SBNO2: variants seen among roughly 807,000 people sequenced by gnomAD.
The protein encoded by SBNO2 is protein strawberry notch homolog 2.
In SBNO2, 89 loss-of-function variants were observed where a neutral mutation model predicts 146.3. That is an observed-to-expected ratio of 0.61 (90% CI 0.51 to 0.73). The LOEUF (loss-of-function observed/expected upper bound fraction) is 0.73. Ranked by LOEUF, SBNO2 falls within the 30% of genes least tolerant of loss-of-function variation. The pLI is 0.00. For missense variants in SBNO2, 2,092 were observed against 2,003.7 expected, an observed-to-expected ratio of 1.04 and a Z score of -0.84; for synonymous variants, 1,147 against 892.6, an observed-to-expected ratio of 1.29 and a Z score of -5.08.
At chr19:1,155,932 C>A (rs146249724) in intron 1 of SBNO2, among the ~76,000 whole-genome samples, 1 of 152,210 alleles carries the variant, frequency 6.6e-6, no homozygotes, top group Admixed American at 6.5e-5. Flanking sequence ...TCACGGCAGC[C>A]ACAGCCCCAG....
intron 12 of SBNO2, 131 bp from the exon 13 acceptor site, chr19:1,119,752 G>A (rs930254786): frequency 1.4e-5 from 14 of 970,274 alleles, no homozygotes; most frequent in Middle Eastern, 2.2e-4. Flanking sequence ...GAGAGCCAGC[G>A]TGGCCTTGGG....
intron 1 of SBNO2, among the ~76,000 whole-genome samples, chr19:1,166,629 A>G (rs879895195): frequency 0.013 from 1,934 of 151,900 alleles, 18 homozygotes; most frequent in African/African-American, 0.025. Context: ...ACACACACAC[A>G]CACACACACA....
At position 1,116,840 on chromosome 19, in the gene SBNO2, G is replaced by A; in HGVS notation, c.1791C>T (p.Val597=). 1 of 1,590,004 alleles carries A rather than the reference G, an allele frequency of 6.3e-7. No homozygotes were observed. Among genetic ancestry groups the A allele is most frequent in the South Asian group, 1.1e-5 (1 of 87,872 alleles). The change falls in exon 16 of 32, where the codon GTC becomes GTT. Residue 597 remains valine (V), a synonymous_variant. Transcript: ENST00000361757. Reference sequence around the variant, plus strand: ...ACCGTGACACTTACTCAGCGGCCGAGACGAAGCAGTTGAGGTGCCCATCGT... The same window carrying A: ...ACCGTGACACTTACTCAGCGGCCGAAACGAAGCAGTTGAGGTGCCCATCGT... ...GENDGHLNCF[V]SAAEGVFLSL... is the part of the protein sequence containing the mutation.
chr19:1,120,793 T>G (rs1185282190), intron 11 of SBNO2, among the ~76,000 whole-genome samples: 2 of 149,208 alleles, frequency 1.3e-5, no homozygotes, highest in African/African-American at 5.0e-5. Context: ...CTCAGCCTCC[T>G]GAGTAGCTGG....
intron 31 of SBNO2, 34 bp from the exon 32 acceptor site, chr19:1,108,738 T>C: frequency 6.3e-7 from 1 of 1,584,444 alleles, no homozygotes; most frequent in Non-Finnish European, 8.5e-7. Flanking sequence ...GGGCCGGCGC[T>C]GGGGGCTCGG....
At chr19:1,123,191 G>T in intron 7 of SBNO2, 146 bp from the exon 8 acceptor site, 1 of 959,488 alleles carries the variant, frequency 1.0e-6, no homozygotes, top group Non-Finnish European at 1.6e-6. Flanking sequence ...GGCGGGTCAT[G>T]GGCGTGGCCA....
In SBNO2 at chr19:1,158,717, G is replaced by A. The variant is rs1316409684; in HGVS notation, c.-126-4315C>T. ...TGGAGGCCGCATTACCTCAGCCGAG[G>A]TTCTCCGGGCAGGCACAAGGCGCTC... On this transcript the variant is annotated intron_variant, in intron 1 of 31. Transcript: ENST00000361757. The surrounding 1 kb of genome is among the most constrained non-coding windows in gnomAD (Gnocchi z 9.9). 3.3e-5 allele frequency among the ~76,000 whole-genome samples: 5 copies of A among 152,170 alleles called. No individual in the cohort carries two copies. The highest frequency in any genetic ancestry group is 1.2e-4 in the African/African-American group (5 of 41,432).
At chr19:1,134,588 C>A (rs1012069923) in intron 4 of SBNO2, among the ~76,000 whole-genome samples, 14 of 152,190 alleles carry the variant, frequency 9.2e-5, no homozygotes, top group Admixed American at 7.2e-4. Flanking sequence ...AATGTCCTGT[C>A]CTGAACAGGA....
chr19:1,122,428 T>C (rs754606344), intron 10 of SBNO2, 40 bp downstream of exon 10: 9 of 1,545,646 alleles, frequency 5.8e-6, no homozygotes, highest in African/African-American at 1.4e-5. Flanking sequence ...CAGGGCACGG[T>C]CCCCACCTTG....
intron 4 of SBNO2, 32 bp from the exon 5 acceptor site, chr19:1,127,797 G>A: frequency 1.2e-6 from 2 of 1,603,580 alleles, no homozygotes; most frequent in Non-Finnish European, 1.7e-6. Flanking sequence ...GGTGAGGGTG[G>A]TACGGGAGAC....
chr19:1,167,844 A>C (rs904024932), intron 1 of SBNO2, among the ~76,000 whole-genome samples: 17 of 152,206 alleles, frequency 1.1e-4, no homozygotes, highest in African/African-American at 3.1e-4. Flanking sequence ...ACGGCCAGCC[A>C]GGAGCAAAGC....
chr19:1,130,741 G>A (rs1176880097), intron 4 of SBNO2, among the ~76,000 whole-genome samples: 1 of 148,170 alleles, frequency 6.7e-6, no homozygotes. Context: ...GCAGGGAGCC[G>A]AGATCGTGCC....
intron 1 of SBNO2, among the ~76,000 whole-genome samples, chr19:1,165,678 A>ACCCAGAT (rs150451244): frequency 6.5e-5 from 4 of 61,910 alleles, no homozygotes; most frequent in Admixed American, 1.6e-4. Flanking sequence ...AGACCCCAGT[A>ACCCAGAT]CCCAGACCCC....
At chr19:1,151,274 G>C (rs1024571895) in intron 2 of SBNO2, among the ~76,000 whole-genome samples, 1 of 152,194 alleles carries the variant, frequency 6.6e-6, no homozygotes, top group Non-Finnish European at 1.5e-5. Context: ...CAGGGCCACG[G>C]CCAGGGAACT....
At chr19:1,165,338 G>A (rs937146522) in intron 1 of SBNO2, among the ~76,000 whole-genome samples, 1 of 152,160 alleles carries the variant, frequency 6.6e-6, no homozygotes, top group Non-Finnish European at 1.5e-5. Context: ...AGCCAACCCC[G>A]AAAGTGGAAG....
intron 11 of SBNO2, among the ~76,000 whole-genome samples, chr19:1,121,035 G>T (rs1027459201): frequency 3.9e-5 from 6 of 152,168 alleles, no homozygotes; most frequent in Non-Finnish European, 1.5e-5. Context: ...GGGATTACAG[G>T]TGCGCACCAC....
At position 1,110,351 on chromosome 19, in the gene SBNO2, G is replaced by A. The variant is rs952501300; in HGVS notation, c.3028+394C>T. 6.6e-6 allele frequency among the ~76,000 whole-genome samples: 1 copy of A among 152,178 alleles called. No homozygotes were observed. Among genetic ancestry groups the A allele is most frequent in the Admixed American group, 6.5e-5 (1 of 15,278 alleles). ...ATGTAGCAGGTGCCCCGTGAAGCCTGGGGATGAGCATGGTGGGCAGCGTGC... is the reference window on the plus strand; with the variant it reads ...ATGTAGCAGGTGCCCCGTGAAGCCTAGGGATGAGCATGGTGGGCAGCGTGC... On this transcript the variant is annotated intron_variant, in intron 26 of 31. Transcript: ENST00000361757. This position sits in a 1 kb window ranked among gnomAD's most constrained non-coding sequence, Gnocchi z 4.9.
Position 1,112,627 on chromosome 19 carries a change from G to C in SBNO2, c.2380-90C>G, listed in dbSNP as rs2079779088. Reference sequence around the variant, plus strand: ...CCTCACCCACTAGGCCCCCGCTCCAGGTCACCAGGACGTCCCGGGGCAGCG... The same window carrying C: ...CCTCACCCACTAGGCCCCCGCTCCACGTCACCAGGACGTCCCGGGGCAGCG... On this transcript the variant is annotated intron_variant, in intron 20 of 31. Transcript: ENST00000361757. The surrounding 1 kb of genome is among the most constrained non-coding windows in gnomAD (Gnocchi z 5.9). The C allele has an allele frequency of 6.8e-7, 1 of 1,471,352 alleles. No homozygotes were observed. Among genetic ancestry groups the C allele is most frequent in the Non-Finnish European group, 9.0e-7 (1 of 1,112,420 alleles). 91.1% of individuals were successfully genotyped at this position (1,471,352 alleles called of 1,614,324 possible).
rs1056800556 is a variant in SBNO2 at position 1,111,059 on chromosome 19, A to C, written c.2844T>G (p.Gly948=). Reference sequence around the variant, plus strand: ...GGCAGCCATTCCGGGACTCCCGGCCACCAATGCCCACAGACAGCAGGCCCT... The same window carrying C: ...GGCAGCCATTCCGGGACTCCCGGCCCCCAATGCCCACAGACAGCAGGCCCT... The part of the protein sequence containing the change: ...MKQGLLSVGI[G]GRESRNGCLD... Residue 948 remains glycine, a synonymous_variant, in exon 25 of 32, where the codon GGT becomes GGG. Coordinates refer to ENST00000361757, the MANE Select transcript of SBNO2 (RefSeq NM_014963.3). 1.9e-6 allele frequency: 3 copies of C among 1,563,372 alleles called. No individual in the cohort carries two copies. The highest frequency in any genetic ancestry group is 2.6e-6 in the Non-Finnish European group (3 of 1,155,034).
Sources: allele counts gnomAD v4.1 joint callset (sites outside exome capture counted in the v4.1 genomes callset), GRCh38; gene constraint gnomAD v4.1.1; non-coding constraint Gnocchi (gnomAD v3.1); transcripts MANE v1.5; gene names NCBI Gene and HGNC (gene_info 2026-07-23, HGNC 2026-07-21).